The following LY6S variants were observed in gnomAD, a reference collection of about 807,000 sequenced individuals.
LY6S encodes the protein lymphocyte antigen 6S.
chr8:143,049,253 A>G, the LY6S span: 1 of 534,740 alleles, frequency 1.9e-6, no homozygotes, highest in South Asian at 1.4e-5. Flanking sequence ...CTCTCACTGA[A>G]CACCCCTGGG....
chr8:143,042,488 CCCGT>C, the LY6S span: 5 of 155,264 alleles, frequency 3.2e-5, no homozygotes, highest in African/African-American at 1.2e-4. Flanking sequence ...TGGGGGGGCA[CCCGT>C]GCCCCAGGAG....
the LY6S span, chr8:143,053,414 C>G: frequency 1.3e-5 from 2 of 152,184 alleles, no homozygotes; most frequent in East Asian, 1.9e-4. Flanking sequence ...ATGAACCATA[C>G]TGTTAGTCTA....
the LY6S span, chr8:143,065,771 C>CTT: frequency 2.9e-5 from 2 of 67,930 alleles, no homozygotes; most frequent in East Asian, 6.3e-4. Context: ...TCTTTCTTTT[C>CTT]TCTTTCTTTC....
chr8:143,055,603 A>T, the LY6S span, among the ~76,000 whole-genome samples: 2 of 152,362 alleles, frequency 1.3e-5, no homozygotes, highest in Non-Finnish European at 2.9e-5. Context: ...ATACGTAAGA[A>T]CCACTTACTG....
At chr8:143,041,804 T>A in the LY6S span, among the ~76,000 whole-genome samples, 11 of 151,408 alleles carry the variant, frequency 7.3e-5, no homozygotes, top group Non-Finnish European at 1.3e-4. Flanking sequence ...CTGTTTGGGG[T>A]CCCTGACAAT....
the LY6S span, among the ~76,000 whole-genome samples, chr8:143,070,377 A>T: frequency 7.9e-6 from 1 of 126,576 alleles, no homozygotes. Flanking sequence ...ATATATATAT[A>T]AATATATATA....
At chr8:143,057,808 A>C in the LY6S span, 2 of 773,330 alleles carry the variant, frequency 2.6e-6, no homozygotes, top group Non-Finnish European at 2.4e-6. Flanking sequence ...AACCATCAAC[A>C]GCTAGACTGG....
the LY6S span, among the ~76,000 whole-genome samples, chr8:143,049,805 C>G: frequency 6.6e-6 from 1 of 152,248 alleles, no homozygotes. Flanking sequence ...AGAAACTGCT[C>G]CCCTTATGGG....
At chr8:143,058,159 AGGTG>A in the LY6S span, among the ~76,000 whole-genome samples, 1 of 152,218 alleles carries the variant, frequency 6.6e-6, no homozygotes, top group Admixed American at 6.5e-5. Context: ...CCCACAGGGT[AGGTG>A]GGTCTCTCCC....
At chr8:143,059,013 A>G in the LY6S span, among the ~76,000 whole-genome samples, 5 of 152,260 alleles carry the variant, frequency 3.3e-5, no homozygotes, top group Admixed American at 6.5e-5. Flanking sequence ...ATGACTAATG[A>G]TATTCATATA....
chr8:143,069,021 T>C, the LY6S span, among the ~76,000 whole-genome samples: 1 of 152,126 alleles, frequency 6.6e-6, no homozygotes, highest in Non-Finnish European at 1.5e-5. Flanking sequence ...TCTGAGTCAA[T>C]AGGCAAAGCA....
At chr8:143,075,699 A>G in the LY6S span, among the ~76,000 whole-genome samples, 1 of 152,148 alleles carries the variant, frequency 6.6e-6, no homozygotes. This position sits in a 1 kb window ranked among gnomAD's most constrained non-coding sequence, Gnocchi z 4.1. Context: ...ACAAGACTCA[A>G]TCTCAGAGAA....
At chr8:143,049,688 C>T in the LY6S span, among the ~76,000 whole-genome samples, 1 of 152,242 alleles carries the variant, frequency 6.6e-6, no homozygotes, top group Non-Finnish European at 1.5e-5. Context: ...CCTGTGGAAT[C>T]TAATCCCATT....
chr8:143,066,821 G>A, the LY6S span, among the ~76,000 whole-genome samples: 1 of 152,176 alleles, frequency 6.6e-6, no homozygotes, highest in Non-Finnish European at 1.5e-5. Flanking sequence ...AAGACTTTGG[G>A]GAACTACTGA....
At chr8:143,052,647 C>T in the LY6S span, among the ~76,000 whole-genome samples, 18 of 152,310 alleles carry the variant, frequency 1.2e-4, no homozygotes, top group East Asian at 2.3e-3. Context: ...GCCTCCCCCG[C>T]TCCTTGCAGC....
chr8:143,059,136 C>A, the LY6S span, among the ~76,000 whole-genome samples: 1 of 152,202 alleles, frequency 6.6e-6, no homozygotes, highest in South Asian at 2.1e-4. Context: ...GCTTGCCGCC[C>A]ACATGCCTCA....
the LY6S span, among the ~76,000 whole-genome samples, chr8:143,041,048 G>A: frequency 1.3e-5 from 2 of 152,156 alleles, no homozygotes; most frequent in Admixed American, 6.6e-5. Context: ...ACAGGACCAC[G>A]GGACCGGGGC....
the LY6S span, among the ~76,000 whole-genome samples, chr8:143,067,703 G>A: frequency 1.3e-5 from 2 of 152,240 alleles, no homozygotes; most frequent in African/African-American, 4.8e-5. Flanking sequence ...TGATGGTGGG[G>A]AGAAGGTCAG....
At chr8:143,063,849 G>C in the LY6S span, among the ~76,000 whole-genome samples, 1 of 152,200 alleles carries the variant, frequency 6.6e-6, no homozygotes, top group Non-Finnish European at 1.5e-5. Context: ...ACCTGGTGAG[G>C]CTCATGGATC....
Sources: gnomAD v4.1 joint callset for allele counts (sites outside exome capture counted in the v4.1 genomes callset) on GRCh38, gnomAD v4.1.1 for gene constraint, Gnocchi (gnomAD v3.1) non-coding constraint, MANE v1.5 for transcripts, NCBI Gene and HGNC (gene_info 2026-07-23, HGNC 2026-07-21) for gene names.